GRID2: variants seen among roughly 807,000 people sequenced by gnomAD.
The protein encoded by GRID2 is glutamate ionotropic receptor delta type subunit 2.
Under a neutral mutation model 114.8 loss-of-function variants are expected in GRID2, and 33 were observed. That is an observed-to-expected ratio of 0.29 (90% CI 0.22 to 0.38). GRID2 has a LOEUF of 0.38. Ranked by LOEUF, GRID2 falls within the 10% of genes least tolerant of loss-of-function variation. The pLI, the probability that GRID2 is intolerant of heterozygous loss-of-function variation, is 1.00. For missense variants in GRID2, 1,184 were observed against 1,257.7 expected (o/e 0.94, Z 0.89); for synonymous variants, 505 against 449.9 (o/e 1.12, Z -1.55).
intron 2 of GRID2, among the ~76,000 whole-genome samples, chr4:92,698,002 A>T (rs558034325): frequency 2.0e-5 from 3 of 152,176 alleles, no homozygotes; most frequent in Non-Finnish European, 4.4e-5. Flanking sequence ...GTTGTACAAC[A>T]TCAATTAAAT....
At chr4:93,665,243 A>G (rs1723847239) in intron 14 of GRID2, among the ~76,000 whole-genome samples, 1 of 152,186 alleles carries the variant, frequency 6.6e-6, no homozygotes, top group Non-Finnish European at 1.5e-5. Flanking sequence ...TTTCTGTACA[A>G]AGCAATAAAT....
At chr4:93,582,945 G>A (rs1187255406) in intron 13 of GRID2, among the ~76,000 whole-genome samples, 1 of 152,058 alleles carries the variant, frequency 6.6e-6, no homozygotes, top group African/African-American at 2.4e-5. Flanking sequence ...CTAGAAATTC[G>A]AAATCAAGGT....
chr4:92,978,367 C>T (rs1753996233), intron 2 of GRID2, among the ~76,000 whole-genome samples: 1 of 152,168 alleles, frequency 6.6e-6, no homozygotes, highest in African/African-American at 2.4e-5. Context: ...TCTTTAAGAA[C>T]CTCTATAAGA....
intron 14 of GRID2, among the ~76,000 whole-genome samples, chr4:93,678,151 G>A (rs140207360): frequency 0.019 from 2,843 of 152,222 alleles, 33 homozygotes; most frequent in African/African-American, 0.045. Flanking sequence ...AGGAGCCGAC[G>A]CGATCAACTG....
intron 8 of GRID2, among the ~76,000 whole-genome samples, chr4:93,351,325 A>G (rs570728934): frequency 3.5e-4 from 53 of 152,188 alleles, no homozygotes; most frequent in African/African-American, 1.2e-3. Context: ...ACAGAGTGAC[A>G]GCACACAGAC....
chr4:92,861,826 AC>A (rs1473196867), intron 2 of GRID2, among the ~76,000 whole-genome samples: 1 of 151,956 alleles, frequency 6.6e-6, no homozygotes, highest in African/African-American at 2.4e-5. Flanking sequence ...TTACCTTCCC[AC>A]CTCATTGAAA....
At chr4:93,254,157 G>A (rs1039993315) in intron 8 of GRID2, among the ~76,000 whole-genome samples, 2 of 151,822 alleles carry the variant, frequency 1.3e-5, no homozygotes, top group Admixed American at 6.6e-5. Flanking sequence ...TAATTCAGGT[G>A]CAAAAAATGG....
chr4:93,728,797 T>C (rs928939924), intron 14 of GRID2, among the ~76,000 whole-genome samples: 1 of 152,140 alleles, frequency 6.6e-6, no homozygotes, highest in Non-Finnish European at 1.5e-5. Context: ...TATCAGAGAC[T>C]AGGATTGCAA....
At chr4:93,452,004 C>G (rs1580124837) in intron 10 of GRID2, among the ~76,000 whole-genome samples, 1 of 152,226 alleles carries the variant, frequency 6.6e-6, no homozygotes, top group African/African-American at 2.4e-5. Flanking sequence ...TCCCAGAGCT[C>G]AGATACACAT....
intron 3 of GRID2, among the ~76,000 whole-genome samples, chr4:93,110,271 A>G (rs905335571): frequency 6.6e-6 from 1 of 152,166 alleles, no homozygotes; most frequent in Non-Finnish European, 1.5e-5. Context: ...TGTTTAACTG[A>G]TAAAAGTCAA....
chr4:93,125,861 A>G (rs1233785528), intron 4 of GRID2, among the ~76,000 whole-genome samples: 1 of 152,240 alleles, frequency 6.6e-6, no homozygotes, highest in African/African-American at 2.4e-5. Context: ...GATATCCAGC[A>G]GGTGTGCACC....
At chr4:93,592,479 A>T (rs1306229481) in intron 13 of GRID2, among the ~76,000 whole-genome samples, 2 of 152,118 alleles carry the variant, frequency 1.3e-5, no homozygotes, top group Non-Finnish European at 2.9e-5. Flanking sequence ...ACTTCCAAGT[A>T]TGTGGTCAAT....
chr4:93,458,479 T>C (rs775474992), intron 11 of GRID2, among the ~76,000 whole-genome samples: 1 of 152,160 alleles, frequency 6.6e-6, no homozygotes, highest in African/African-American at 2.4e-5. Flanking sequence ...ATGGGATAGT[T>C]TGACTTTCTC....
intron 2 of GRID2, among the ~76,000 whole-genome samples, chr4:92,711,118 A>AT (rs979330374): frequency 2.6e-5 from 4 of 152,102 alleles, no homozygotes; most frequent in African/African-American, 9.7e-5. Context: ...ACTTTGTACT[A>AT]TTTTTTTAAA....
intron 1 of GRID2, among the ~76,000 whole-genome samples, chr4:92,390,597 A>C (rs1166470318): frequency 6.6e-6 from 1 of 152,116 alleles, no homozygotes; most frequent in Non-Finnish European, 1.5e-5. Flanking sequence ...TGAGTAGGAA[A>C]GTTTTCTGGT....
At chr4:93,138,684 T>C (rs1735494733) in intron 4 of GRID2, among the ~76,000 whole-genome samples, 1 of 152,196 alleles carries the variant, frequency 6.6e-6, no homozygotes, top group African/African-American at 2.4e-5. Context: ...TTCTCACAGT[T>C]CTCTTCCTAT....
At chr4:93,044,050 T>A (rs1725890191) in intron 2 of GRID2, among the ~76,000 whole-genome samples, 1 of 152,102 alleles carries the variant, frequency 6.6e-6, no homozygotes, top group Admixed American at 6.6e-5. Context: ...AGTAGAAGAC[T>A]ACTGTCTTCT....
intron 2 of GRID2, among the ~76,000 whole-genome samples, chr4:92,952,016 CTG>C (rs1752076475): frequency 6.6e-6 from 1 of 152,100 alleles, no homozygotes; most frequent in Admixed American, 6.6e-5. Context: ...CAGTGAAACA[CTG>C]TGTACATGTC....
intron 4 of GRID2, among the ~76,000 whole-genome samples, chr4:93,178,974 C>G (rs772168251): frequency 6.6e-6 from 1 of 151,960 alleles, no homozygotes; most frequent in Non-Finnish European, 1.5e-5. Context: ...AGATTTCTGG[C>G]TCTTTTATTT....
Sources: allele counts gnomAD v4.1 joint callset (sites outside exome capture counted in the v4.1 genomes callset), GRCh38; gene constraint gnomAD v4.1.1; transcripts MANE v1.5; gene names NCBI Gene and HGNC (gene_info 2026-07-23, HGNC 2026-07-21).